The following SLC25A37 variants were observed in gnomAD, a reference collection of about 807,000 sequenced individuals.
The protein encoded by SLC25A37 is mitoferrin-1.
Under a neutral mutation model 31.0 loss-of-function variants are expected in SLC25A37, and 17 were observed. That is an observed-to-expected ratio of 0.55 (90% CI 0.38 to 0.82). The LOEUF (loss-of-function observed/expected upper bound fraction) is 0.82. Ranked by LOEUF, SLC25A37 falls within the 40% of genes least tolerant of loss-of-function variation. SLC25A37 has a pLI of 0.00. For missense variants in SLC25A37, 404 were observed against 465.8 expected (o/e 0.87, Z 1.22); for synonymous variants, 222 against 193.0 (o/e 1.15, Z -1.24).
chr8:23,566,206 C>G lies in SLC25A37; in HGVS notation c.309C>G (p.Pro103=). Residue 103 remains proline (P), a synonymous_variant, in exon 2 of 4, where the codon CCC becomes CCG. Coordinates refer to ENST00000519973, the MANE Select transcript of SLC25A37 (RefSeq NM_016612.4). The part of the protein sequence containing the change: ...KIMRTEGFWR[P]LRGVNVMIMG... The stretch of plus-strand genomic sequence containing the variant: ...TGCGGACCGAAGGCTTCTGGAGGCC[C>G]TTGCGAGGCGTCAACGTCATGATCA... 3 of 1,604,768 alleles carry G rather than the reference C, an allele frequency of 1.9e-6. No individual in the cohort carries two copies. The Admixed American group carries it at 5.2e-5, about 28-fold the overall frequency.
intron 1 of SLC25A37, among the ~76,000 whole-genome samples, chr8:23,554,028 C>T (rs919584236): frequency 1.4e-5 from 2 of 141,426 alleles, no homozygotes; most frequent in African/African-American, 2.8e-5. Flanking sequence ...ACCTGGGATC[C>T]TTTAGCGTCC....
At chr8:23,533,708 G>A (rs1168849655) in intron 1 of SLC25A37, among the ~76,000 whole-genome samples, 1 of 152,162 alleles carries the variant, frequency 6.6e-6, no homozygotes. Context: ...GTCTCCACTA[G>A]TACGGAACCT....
At chr8:23,571,193 T>G in intron 3 of SLC25A37, 142 bp from the exon 4 acceptor site, 1 of 989,352 alleles carries the variant, frequency 1.0e-6, no homozygotes, top group Non-Finnish European at 1.4e-6. Context: ...TAGGGCTGTG[T>G]GTGCTGGCTC....
intron 1 of SLC25A37, among the ~76,000 whole-genome samples, chr8:23,552,887 A>G (rs1352979916): frequency 6.6e-6 from 1 of 152,172 alleles, no homozygotes; most frequent in Non-Finnish European, 1.5e-5. Flanking sequence ...AGCAAAAGAA[A>G]GCTCACAGGG....
rs1802646159 is a variant in SLC25A37, at chr8:23,566,121, G to C, written c.224G>C (p.Ser75Thr). ...PVDSVKTRMQ[S>T]LSPDPKAQYT... ...GCCCGCTCCCAGACACGAATGCAGA[G>C]TTTGAGTCCAGATCCCAAAGCCCAG... is the stretch of plus-strand genomic sequence containing the variant. Residue 75 changes from serine (S) to threonine (T), a missense_variant, in exon 2 of 4, where the codon AGT (serine) becomes ACT (threonine). This residue lies in a region of SLC25A37 where 154 missense variants were observed against 153.6 expected (regional missense o/e 1.00). Transcript: ENST00000519973. The C allele has an allele frequency of 1.3e-6, 2 of 1,591,364 alleles. No homozygotes were observed. The highest frequency in any genetic ancestry group is 1.7e-6 in the Non-Finnish European group (2 of 1,172,928).
At chr8:23,566,672 A>G in intron 2 of SLC25A37, 3 of 1,041,150 alleles carry the variant, frequency 2.9e-6, no homozygotes, top group Non-Finnish European at 3.5e-6. Context: ...GATCAGACAT[A>G]GGAGAAACCC....
intron 1 of SLC25A37, among the ~76,000 whole-genome samples, chr8:23,532,603 C>T (rs769566075): frequency 6.6e-6 from 1 of 152,266 alleles, no homozygotes; most frequent in Middle Eastern, 3.4e-3. Flanking sequence ...GATTTGAAGC[C>T]GGGGGACTTC....
At chr8:23,546,779 C>G (rs1585183151) in intron 1 of SLC25A37, among the ~76,000 whole-genome samples, 2 of 151,612 alleles carry the variant, frequency 1.3e-5, no homozygotes, top group East Asian at 1.9e-4. Flanking sequence ...AAAAATTCAT[C>G]TACAAGTTGG....
At position 23,573,806 on chromosome 8, in the gene SLC25A37, C is replaced by T. The variant is rs1034916433; in HGVS notation, c.*1951C>T. 13 of 456,596 alleles carry T rather than the reference C, an allele frequency of 2.8e-5. No individual in the cohort carries two copies. The highest frequency in any genetic ancestry group is 6.5e-4 in the Middle Eastern group (2 of 3,098). The allele number at this position is 456,596 out of a possible 1,614,324, so 28.3% of individuals were successfully genotyped here. ...CTGCCCTGTCCCATCTGGCAGTTAA[C>T]GCCTTCTCCCTGCTCTGCCCCCCAC... On this transcript the variant is annotated 3_prime_UTR_variant, in exon 4 of 4. Coordinates refer to ENST00000519973, the MANE Select transcript of SLC25A37 (RefSeq NM_016612.4).
Position 23,573,988 on chromosome 8 carries a change from T to G in SLC25A37, c.*2133T>G. 1 of 348,684 alleles carries G rather than the reference T, an allele frequency of 2.9e-6. No individual in the cohort carries two copies. Among genetic ancestry groups the G allele is most frequent in the Non-Finnish European group, 6.0e-6 (1 of 167,860 alleles). 21.6% of individuals were successfully genotyped at this position (348,684 alleles called of 1,614,324 possible). On this transcript the variant is annotated 3_prime_UTR_variant, in exon 4 of 4. Transcript: ENST00000519973. ...CAAATGGAGGGGAAAAAAATCAAAT[T>G]CTAAATTTCAAAGTAGAATTTAAAG...
intron 1 of SLC25A37, among the ~76,000 whole-genome samples, chr8:23,537,581 G>A (rs940249454): frequency 6.6e-6 from 1 of 152,314 alleles, no homozygotes; most frequent in East Asian, 1.9e-4. Context: ...TTTTCTCATC[G>A]GAAATAGAGA....
At chr8:23,547,826 A>C (rs761911200) in intron 1 of SLC25A37, among the ~76,000 whole-genome samples, 1 of 152,260 alleles carries the variant, frequency 6.6e-6, no homozygotes, top group East Asian at 1.9e-4. Context: ...GGGCAATTAC[A>C]GAAATGCTGA....
intron 1 of SLC25A37, among the ~76,000 whole-genome samples, chr8:23,539,982 A>G (rs553445393): frequency 6.6e-6 from 1 of 152,366 alleles, no homozygotes; most frequent in African/African-American, 2.4e-5. Context: ...GTTAAGGCAC[A>G]TGGCAAATGC....
intron 2 of SLC25A37, chr8:23,567,291 A>G (rs192544973): frequency 3.8e-4 from 58 of 152,078 alleles, no homozygotes; most frequent in African/African-American, 1.4e-3. Flanking sequence ...GTTTGCAGAT[A>G]TTTGTTCTGC....
At chr8:23,532,888 C>T (rs1801689827) in intron 1 of SLC25A37, among the ~76,000 whole-genome samples, 1 of 152,240 alleles carries the variant, frequency 6.6e-6, no homozygotes, top group Non-Finnish European at 1.5e-5. Context: ...CCAGAGTCCC[C>T]TCCCACCCAC....
chr8:23,575,053 T>C lies in SLC25A37; in HGVS notation c.*3198T>C, dbSNP rs933284369. 6.6e-6 allele frequency: 1 copy of C among 152,242 alleles called. No homozygotes were observed. Among genetic ancestry groups the C allele is most frequent in the Non-Finnish European group, 1.5e-5 (1 of 68,052 alleles). The allele number at this position is 152,242 out of a possible 1,614,324, so 9.4% of individuals were successfully genotyped here. ...TTTTCTTAACTTTGCATTGAATCTA[T>C]TTACTGGGTTACATTCTATGTGTAG... On this transcript the variant is annotated 3_prime_UTR_variant, in exon 4 of 4. Transcript: ENST00000519973.
intron 2 of SLC25A37, 68 bp from the exon 3 acceptor site, chr8:23,568,254 T>G (rs1802720382): frequency 6.4e-7 from 1 of 1,569,796 alleles, no homozygotes; most frequent in African/African-American, 1.3e-5. Context: ...TCCGTCTGAT[T>G]TTAGGTTCCA....
In SLC25A37 at chr8:23,571,546, C is replaced by G. The variant is rs765997482; in HGVS notation, c.708C>G (p.Ser236=). The G allele has an allele frequency of 5.6e-6, 9 of 1,613,810 alleles. No individual in the cohort carries two copies. The highest frequency in any genetic ancestry group is 6.8e-6 in the Non-Finnish European group (8 of 1,179,870). ...CCCACCGGACCTACAACCCGCAGTC[C>G]CACATCATCTCAGGCGGGCTGGCCG... ...VNPHRTYNPQ[S]HIISGGLAGA... The change falls in exon 4 of 4, where the codon TCC becomes TCG. Residue 236 remains serine (S), a synonymous_variant. Coordinates refer to ENST00000519973, the MANE Select transcript of SLC25A37 (RefSeq NM_016612.4).
At chr8:23,568,103 T>G in intron 2 of SLC25A37, 1 of 624,266 alleles carries the variant, frequency 1.6e-6, no homozygotes, top group Non-Finnish European at 2.9e-6. Flanking sequence ...TTTTGCAAGA[T>G]TAAAATGTGG....
Sources: gnomAD v4.1 joint callset for allele counts (sites outside exome capture counted in the v4.1 genomes callset) on GRCh38, gnomAD v4.1.1 for gene constraint, gnomAD v4.1.1 regional missense constraint, MANE v1.5 for transcripts, NCBI Gene and HGNC (gene_info 2026-07-23, HGNC 2026-07-21) for gene names.